Variants in PTPRG observed in about 807,000 individuals in gnomAD.
PTPRG encodes the protein protein tyrosine phosphatase receptor type G.
PTPRG carries 102 observed loss-of-function variants against 165.3 expected under a neutral mutation model. That is an observed-to-expected ratio of 0.62 (90% CI 0.53 to 0.73). The LOEUF is 0.73. Among genes scored for constraint, PTPRG ranks in the 30% least tolerant of loss-of-function variants. The pLI, the probability that PTPRG is intolerant of heterozygous loss-of-function variation, is 0.00. For synonymous variants in PTPRG, 675 were observed against 669.5 expected (o/e 1.01, Z -0.13); for missense variants, 1,866 against 1,861.4 (o/e 1.00, Z -0.05).
At chr3:62,223,899 CTT>C (rs1330753851) in intron 13 of PTPRG, among the ~76,000 whole-genome samples, 2 of 152,070 alleles carry the variant, frequency 1.3e-5, no homozygotes, top group Admixed American at 6.6e-5. Flanking sequence ...TTGAAAATAA[CTT>C]TTGGAATTTC....
rs965263708 is a variant in PTPRG, at chr3:62,219,512, T to C, written c.2288+529T>C. Among the ~76,000 whole-genome samples the C allele has an allele frequency of 1.3e-5, 2 of 152,248 alleles. No homozygotes were observed. Among genetic ancestry groups the C allele is most frequent in the African/African-American group, 4.8e-5 (2 of 41,466 alleles). Reference sequence around the variant, plus strand: ...AAGATTAAAATGGCAGATTGTAAGCTATCCGGATTCTCACTGCTTCTCATG... The same window carrying C: ...AAGATTAAAATGGCAGATTGTAAGCCATCCGGATTCTCACTGCTTCTCATG... On this transcript the variant is annotated intron_variant, in intron 13 of 29. Coordinates refer to ENST00000474889, the MANE Select transcript of PTPRG (RefSeq NM_002841.4). This position sits in a 1 kb window ranked among gnomAD's most constrained non-coding sequence, Gnocchi z 4.5.
chr3:61,801,789 G>C (rs1457196563), intron 2 of PTPRG, among the ~76,000 whole-genome samples: 1 of 152,094 alleles, frequency 6.6e-6, no homozygotes, highest in Non-Finnish European at 1.5e-5. Context: ...TTCTCAGAAG[G>C]CCCAGAGGGC....
At chr3:62,230,899 G>C (rs1457396062) in intron 13 of PTPRG, among the ~76,000 whole-genome samples, 3 of 152,208 alleles carry the variant, frequency 2.0e-5, no homozygotes, top group African/African-American at 7.2e-5. Context: ...GTCAAAGGTG[G>C]AAGAGTGGGT....
In PTPRG at chr3:62,013,135, A is replaced by G. The variant is rs1349206273; in HGVS notation, c.519+9638A>G. Among the ~76,000 whole-genome samples the G allele has an allele frequency of 2.6e-5, 4 of 152,182 alleles. No individual in the cohort carries two copies. The East Asian group carries it at 7.7e-4, about 29-fold the overall frequency. On this transcript the variant is annotated intron_variant, in intron 4 of 29. Coordinates refer to ENST00000474889, the MANE Select transcript of PTPRG (RefSeq NM_002841.4). ...GAATATTTACTATAAAAGAAATTCA[A>G]TTTCAGTTGAATTAATCTGTTTCCC...
In PTPRG at chr3:62,248,655, T is replaced by C. The variant is rs936377595; in HGVS notation, c.2467+4757T>C. ...TAGGCTTTCATTATATATAAACTTT[T>C]AGAAATCAGAACTTAGCTCATGAAA... On this transcript the variant is annotated intron_variant, in intron 15 of 29. Coordinates refer to ENST00000474889, the MANE Select transcript of PTPRG (RefSeq NM_002841.4). 8.5e-5 allele frequency among the ~76,000 whole-genome samples: 13 copies of C among 152,216 alleles called. 1 individual carries two copies. The highest frequency in any genetic ancestry group is 2.9e-4 in the African/African-American group (12 of 41,468).
At chr3:62,001,716 A>G (rs989747072) in intron 3 of PTPRG, among the ~76,000 whole-genome samples, 2 of 152,194 alleles carry the variant, frequency 1.3e-5, no homozygotes, top group Admixed American at 6.5e-5. Context: ...TTTGAAAAGG[A>G]AAAGTCGGTA....
intron 6 of PTPRG, among the ~76,000 whole-genome samples, chr3:62,148,633 C>T (rs1488718987): frequency 2.0e-5 from 3 of 152,090 alleles, no homozygotes; most frequent in Admixed American, 6.6e-5. Flanking sequence ...GGCGTGGTGG[C>T]GTGCCTGTAG....
intron 5 of PTPRG, among the ~76,000 whole-genome samples, chr3:62,084,702 C>T (rs1223003830): frequency 6.6e-6 from 1 of 152,172 alleles, no homozygotes; most frequent in African/African-American, 2.4e-5. Context: ...CACTTCCCTG[C>T]ATTTCACCTT....
At chr3:62,191,416 TG>T in intron 8 of PTPRG, 52 bp from the exon 9 acceptor site, 2 of 1,562,544 alleles carry the variant, frequency 1.3e-6, no homozygotes. Context: ...GGGCACGGAT[TG>T]AATGGCGCAT....
At chr3:61,656,059 C>T (rs1702502252) in intron 1 of PTPRG, among the ~76,000 whole-genome samples, 1 of 144,794 alleles carries the variant, frequency 6.9e-6, no homozygotes, top group South Asian at 2.4e-4. Flanking sequence ...CCCCGACCAT[C>T]TCTAAAGAAA....
intron 2 of PTPRG, among the ~76,000 whole-genome samples, chr3:61,955,636 G>A (rs2040011150): frequency 6.6e-6 from 1 of 152,046 alleles, no homozygotes; most frequent in African/African-American, 2.4e-5. Context: ...ATTCCCCACA[G>A]TTAGTCATTA....
intron 28 of PTPRG, among the ~76,000 whole-genome samples, chr3:62,290,558 G>A (rs1000462384): frequency 6.6e-6 from 1 of 152,106 alleles, no homozygotes; most frequent in African/African-American, 2.4e-5. Context: ...TGGGATACAC[G>A]TGGGGAGGTA....
chr3:61,855,508 T>C (rs927884410), intron 2 of PTPRG, among the ~76,000 whole-genome samples: 2 of 152,146 alleles, frequency 1.3e-5, no homozygotes, highest in Admixed American at 6.6e-5. Flanking sequence ...TTTTACTTTC[T>C]ATATTTTGGT....
chr3:61,794,079 T>G (rs1345480821), intron 2 of PTPRG, among the ~76,000 whole-genome samples: 1 of 152,174 alleles, frequency 6.6e-6, no homozygotes, highest in African/African-American at 2.4e-5. Context: ...CTTTTCTGTT[T>G]CGTTTGCCCA....
intron 2 of PTPRG, among the ~76,000 whole-genome samples, chr3:61,768,349 A>C (rs1006803203): frequency 2.4e-4 from 37 of 152,188 alleles, no homozygotes; most frequent in African/African-American, 8.2e-4. Context: ...CTACCTAGAG[A>C]TTTAAATAAT....
At chr3:62,165,815 G>A (rs1450612305) in intron 7 of PTPRG, among the ~76,000 whole-genome samples, 4 of 152,042 alleles carry the variant, frequency 2.6e-5, no homozygotes, top group South Asian at 4.2e-4. Flanking sequence ...TCAATTCATC[G>A]CTTTCTCATG....
At chr3:62,201,450 T>A in intron 10 of PTPRG, 55 bp from the exon 11 acceptor site, 1 of 1,404,176 alleles carries the variant, frequency 7.1e-7, no homozygotes, top group Non-Finnish European at 9.9e-7. Flanking sequence ...AGGAATATCT[T>A]GTTAGAGCCA....
chr3:62,084,301 T>C (rs1191096277), intron 5 of PTPRG, among the ~76,000 whole-genome samples: 1 of 152,238 alleles, frequency 6.6e-6, no homozygotes, highest in East Asian at 1.9e-4. Context: ...TCACCAACTC[T>C]ACTGCAGTTT....
At chr3:62,247,302 G>T (rs1701308722) in intron 15 of PTPRG, among the ~76,000 whole-genome samples, 1 of 152,036 alleles carries the variant, frequency 6.6e-6, no homozygotes, top group South Asian at 2.1e-4. Flanking sequence ...AAATGGCTCT[G>T]CCACCTCTTG....
Sources: allele counts gnomAD v4.1 joint callset (sites outside exome capture counted in the v4.1 genomes callset), GRCh38; gene constraint gnomAD v4.1.1; non-coding constraint Gnocchi (gnomAD v3.1); transcripts MANE v1.5; gene names NCBI Gene and HGNC (gene_info 2026-07-23, HGNC 2026-07-21).